CIMAP2: variants seen among roughly 807,000 people sequenced by gnomAD.
CIMAP2 encodes the protein ciliary microtubule associated protein 2.
At chr1:54,833,243 TG>T in the CIMAP2 span, among the ~76,000 whole-genome samples, 2 of 152,114 alleles carry the variant, frequency 1.3e-5, no homozygotes, top group Non-Finnish European at 1.5e-5. Flanking sequence ...GAATAAATGA[TG>T]GGGTGAAGGG....
At chr1:54,817,140 T>C in the CIMAP2 span, 1 of 1,613,754 alleles carries the variant, frequency 6.2e-7, no homozygotes, top group Non-Finnish European at 8.5e-7. Context: ...CAGCTGGAGC[T>C]GCAGGCGAAG....
the CIMAP2 span, chr1:54,807,508 G>A: frequency 6.6e-7 from 1 of 1,506,258 alleles, no homozygotes. Context: ...TCACAGCTCT[G>A]ACCACACTCT....
At chr1:54,813,701 C>T in the CIMAP2 span, 4 of 1,246,970 alleles carry the variant, frequency 3.2e-6, no homozygotes, top group Non-Finnish European at 4.4e-6. Context: ...GATGTCTGCA[C>T]AGCAGGATAG....
the CIMAP2 span, among the ~76,000 whole-genome samples, chr1:54,815,549 C>G: frequency 6.6e-6 from 1 of 152,190 alleles, no homozygotes; most frequent in Non-Finnish European, 1.5e-5. Flanking sequence ...TGGCCCCTTC[C>G]CTTTCCCACT....
chr1:54,813,765 C>A, the CIMAP2 span: 1 of 1,538,160 alleles, frequency 6.5e-7, no homozygotes, highest in South Asian at 1.3e-5. Flanking sequence ...GAGAAAGGAG[C>A]TCTTGATTTT....
the CIMAP2 span, among the ~76,000 whole-genome samples, chr1:54,837,770 C>T: frequency 3.8e-4 from 58 of 152,238 alleles, 1 homozygote; most frequent in East Asian, 2.5e-3. Flanking sequence ...GTGCCAACAA[C>T]GTGCAAGGAA....
At chr1:54,807,989 T>C in the CIMAP2 span, 1 of 1,588,528 alleles carries the variant, frequency 6.3e-7, no homozygotes, top group East Asian at 2.3e-5. Context: ...TCTGGGGAGG[T>C]TCGCTTCCGA....
chr1:54,833,155 G>A, the CIMAP2 span, among the ~76,000 whole-genome samples: 1 of 152,200 alleles, frequency 6.6e-6, no homozygotes, highest in Non-Finnish European at 1.5e-5. Context: ...GGTGTAAAAT[G>A]TAGACATCTG....
At chr1:54,820,122 CTT>C in the CIMAP2 span, among the ~76,000 whole-genome samples, 5 of 83,896 alleles carry the variant, frequency 6.0e-5, no homozygotes, top group East Asian at 5.5e-4. Flanking sequence ...CTCTTTCTTT[CTT>C]TCTTTCTTTC....
At chr1:54,806,941 CGCCAGG>C in the CIMAP2 span, 3 of 1,527,284 alleles carry the variant, frequency 2.0e-6, no homozygotes, top group Admixed American at 1.7e-5. Context: ...GAACTGCCCA[CGCCAGG>C]GCCAGGTGCC....
chr1:54,807,849 C>T, the CIMAP2 span: 4 of 1,535,198 alleles, frequency 2.6e-6, no homozygotes, highest in East Asian at 4.6e-5. Context: ...TGGATTTTCC[C>T]AAGTTTAAGG....
chr1:54,828,108 G>T, the CIMAP2 span, among the ~76,000 whole-genome samples: 2 of 151,982 alleles, frequency 1.3e-5, no homozygotes, highest in African/African-American at 2.4e-5. Flanking sequence ...AATAAGACAG[G>T]AAAAATAAAT....
the CIMAP2 span, chr1:54,807,788 A>G: frequency 6.6e-7 from 1 of 1,510,858 alleles, no homozygotes; most frequent in Non-Finnish European, 8.8e-7. Flanking sequence ...CCAAGGCCAG[A>G]TGGAGATTAT....
chr1:54,841,911 C>T, the CIMAP2 span: 2 of 1,538,048 alleles, frequency 1.3e-6, no homozygotes, highest in South Asian at 1.2e-5. Context: ...GACCAGAGAG[C>T]CCAAAGGCCT....
the CIMAP2 span, among the ~76,000 whole-genome samples, chr1:54,817,598 A>G: frequency 4.6e-5 from 7 of 152,192 alleles, no homozygotes; most frequent in Admixed American, 3.9e-4. Flanking sequence ...ACTGTGGCAA[A>G]CTATACAACA....
At chr1:54,832,327 T>C in the CIMAP2 span, among the ~76,000 whole-genome samples, 4 of 151,744 alleles carry the variant, frequency 2.6e-5, no homozygotes, top group South Asian at 8.3e-4. Flanking sequence ...TTTATAAAAA[T>C]TGATCTCTAA....
At chr1:54,841,882 G>T in the CIMAP2 span, 1 of 1,550,850 alleles carries the variant, frequency 6.4e-7, no homozygotes, top group African/African-American at 1.4e-5. Context: ...AAAGCCACAT[G>T]CGAAGGACAG....
the CIMAP2 span, among the ~76,000 whole-genome samples, chr1:54,827,613 C>T: frequency 6.6e-6 from 1 of 152,150 alleles, no homozygotes; most frequent in Non-Finnish European, 1.5e-5. Flanking sequence ...AGACTTCCCT[C>T]ATCTGAAAAA....
the CIMAP2 span, among the ~76,000 whole-genome samples, chr1:54,826,293 C>A: frequency 6.6e-6 from 1 of 152,190 alleles, no homozygotes; most frequent in African/African-American, 2.4e-5. Flanking sequence ...GCTTTCTTTG[C>A]CCTAGGTCAG....
Sources: allele counts gnomAD v4.1 joint callset (sites outside exome capture counted in the v4.1 genomes callset), GRCh38; gene constraint gnomAD v4.1.1; transcripts MANE v1.5; gene names NCBI Gene and HGNC (gene_info 2026-07-23, HGNC 2026-07-21).